KHDRBS2: variants seen among roughly 807,000 people sequenced by gnomAD.
KHDRBS2 encodes the protein KH RNA binding domain containing, signal transduction associated 2.
In KHDRBS2, 26 loss-of-function variants were observed where a neutral mutation model predicts 44.3. The observed-to-expected ratio is 0.59, with a 90% CI of 0.43 to 0.81. The LOEUF is 0.81. KHDRBS2 is among the 40% of genes least tolerant of loss of function. The pLI is 0.00. For synonymous variants in KHDRBS2, 194 were observed against 151.1 expected, an observed-to-expected ratio of 1.28 and a Z score of -2.08; for missense variants, 476 against 433.1, an observed-to-expected ratio of 1.10 and a Z score of -0.88.
intron 3 of KHDRBS2, among the ~76,000 whole-genome samples, chr6:62,013,534 ATG>A (rs1365153659): frequency 1.3e-5 from 2 of 152,014 alleles, no homozygotes; most frequent in Admixed American, 6.6e-5. Flanking sequence ...AATATCAAAA[ATG>A]TGTTTAGTAC....
At chr6:61,663,683 G>A in the KHDRBS2 span, among the ~76,000 whole-genome samples, 8 of 149,506 alleles carry the variant, frequency 5.4e-5, no homozygotes, top group African/African-American at 7.4e-5. Flanking sequence ...TCCACCACAC[G>A]GTATGGAGCT....
At chr6:61,630,073 G>A in the KHDRBS2 span, among the ~76,000 whole-genome samples, 5 of 152,116 alleles carry the variant, frequency 3.3e-5, no homozygotes, top group African/African-American at 9.7e-5. Context: ...TCAATTCAAA[G>A]GGATAGCAAA....
chr6:61,955,419 T>C lies in KHDRBS2; in HGVS notation c.483+22647A>G, dbSNP rs1438267515. On this transcript the variant is annotated intron_variant, in intron 4 of 8. Coordinates refer to ENST00000281156, the MANE Select transcript of KHDRBS2 (RefSeq NM_152688.4). The stretch of plus-strand genomic sequence containing the variant: ...GTATGTATACATATACGTGTATATA[T>C]ACACATACGTATGTGTATGTATACA... Among the ~76,000 whole-genome samples the C allele has an allele frequency of 2.7e-5, 4 of 145,536 alleles. 2 individuals carry two copies. The highest frequency in any genetic ancestry group is 6.1e-5 in the Non-Finnish European group (4 of 65,784).
intron 3 of KHDRBS2, among the ~76,000 whole-genome samples, chr6:62,036,581 A>G (rs1364060345): frequency 6.6e-6 from 1 of 151,978 alleles, no homozygotes; most frequent in Non-Finnish European, 1.5e-5. Flanking sequence ...TCCATTTTCT[A>G]TTTATTTAAC....
At chr6:61,621,847 G>A in the KHDRBS2 span, among the ~76,000 whole-genome samples, 1 of 152,196 alleles carries the variant, frequency 6.6e-6, no homozygotes, top group Non-Finnish European at 1.5e-5. Flanking sequence ...TAGCCTTGAA[G>A]AAGCAAATAG....
intron 6 of KHDRBS2, among the ~76,000 whole-genome samples, chr6:61,740,574 C>T (rs78703793): frequency 0.04 from 6,128 of 151,934 alleles, 151 homozygotes; most frequent in East Asian, 0.086. Flanking sequence ...TTTTCTTGAA[C>T]ATGTTATCAT....
chr6:62,091,049 G>A (rs1409896201), intron 2 of KHDRBS2, among the ~76,000 whole-genome samples: 2 of 152,124 alleles, frequency 1.3e-5, no homozygotes, highest in Non-Finnish European at 2.9e-5. Flanking sequence ...ACTGTTCATT[G>A]CAACCTAGCT....
At chr6:61,552,488 C>T in the KHDRBS2 span, among the ~76,000 whole-genome samples, 1 of 151,988 alleles carries the variant, frequency 6.6e-6, no homozygotes, top group Non-Finnish European at 1.5e-5. Context: ...TCTCTTACTA[C>T]TTGGATGTGT....
chr6:61,855,245 A>G (rs1334241188), intron 6 of KHDRBS2, among the ~76,000 whole-genome samples: 11 of 152,054 alleles, frequency 7.2e-5, no homozygotes, highest in Non-Finnish European at 1.3e-4. Context: ...AAACATCATA[A>G]TGCTGTTAGG....
chr6:61,736,752 G>C (rs2127562262), intron 6 of KHDRBS2, among the ~76,000 whole-genome samples: 1 of 151,914 alleles, frequency 6.6e-6, no homozygotes, highest in Non-Finnish European at 1.5e-5. Flanking sequence ...GATTCCTCAA[G>C]GTCATTTTAC....
At chr6:61,775,210 C>T (rs1429320736) in intron 6 of KHDRBS2, among the ~76,000 whole-genome samples, 5 of 152,212 alleles carry the variant, frequency 3.3e-5, no homozygotes, top group East Asian at 3.9e-4. Context: ...AAACTGGAAG[C>T]ATTCCCTTTG....
chr6:61,979,398 T>G (rs901216418), intron 3 of KHDRBS2, among the ~76,000 whole-genome samples: 4 of 152,140 alleles, frequency 2.6e-5, no homozygotes, highest in African/African-American at 7.2e-5. Context: ...ATGTAGAGAT[T>G]AGAGACATGA....
chr6:61,807,894 G>A (rs981120263), intron 6 of KHDRBS2, among the ~76,000 whole-genome samples: 5 of 152,144 alleles, frequency 3.3e-5, no homozygotes, highest in African/African-American at 1.2e-4. Context: ...CATACTCAGT[G>A]TGTTACATAC....
downstream of KHDRBS2, among the ~76,000 whole-genome samples, chr6:61,676,163 C>G (rs1765925605): frequency 6.6e-6 from 1 of 151,686 alleles, no homozygotes; most frequent in Non-Finnish European, 1.5e-5. Flanking sequence ...GGTTTTTGTT[C>G]AAATAAAAGT....
At chr6:61,892,691 C>G (rs951009561) in intron 6 of KHDRBS2, among the ~76,000 whole-genome samples, 1 of 152,170 alleles carries the variant, frequency 6.6e-6, no homozygotes, top group Non-Finnish European at 1.5e-5. Flanking sequence ...GGAAAACTCG[C>G]TAGCCATATG....
chr6:61,703,982 T>C (rs1769085686), intron 7 of KHDRBS2, among the ~76,000 whole-genome samples: 1 of 151,932 alleles, frequency 6.6e-6, no homozygotes. Flanking sequence ...TTTATGCCTA[T>C]GGTGGGAAAC....
chr6:61,954,633 TACAC>T (rs1288010478), intron 4 of KHDRBS2, among the ~76,000 whole-genome samples: 3 of 126,736 alleles, frequency 2.4e-5, no homozygotes, highest in Non-Finnish European at 5.0e-5. Flanking sequence ...TATGTATATA[TACAC>T]ATACATACTT....
intron 1 of KHDRBS2, among the ~76,000 whole-genome samples, chr6:62,283,684 C>T (rs541329602): frequency 4.7e-4 from 71 of 152,098 alleles, no homozygotes; most frequent in African/African-American, 1.4e-3. Context: ...TGAAACTAAG[C>T]GTGGACATCT....
At chr6:62,019,855 A>C (rs544700551) in intron 3 of KHDRBS2, among the ~76,000 whole-genome samples, 5 of 151,028 alleles carry the variant, frequency 3.3e-5, no homozygotes, top group Non-Finnish European at 7.4e-5. Context: ...CAGGTTTATC[A>C]ATTTTGTTGA....
Sources: gnomAD v4.1 joint callset for allele counts (sites outside exome capture counted in the v4.1 genomes callset) on GRCh38, gnomAD v4.1.1 for gene constraint, MANE v1.5 for transcripts, NCBI Gene and HGNC (gene_info 2026-07-23, HGNC 2026-07-21) for gene names.